The following GALNTL6 variants were observed in gnomAD, a reference collection of about 807,000 sequenced individuals.
GALNTL6 encodes polypeptide N-acetylgalactosaminyltransferase-like 6.
Under a neutral mutation model 73.7 loss-of-function variants are expected in GALNTL6, and 46 were observed. The ratio of observed to expected loss-of-function variants is 0.62; its 90% CI spans 0.49 to 0.80. The LOEUF (loss-of-function observed/expected upper bound fraction) is 0.80. Ranked by LOEUF, GALNTL6 falls within the 30% of genes least tolerant of loss-of-function variation. The pLI is 0.00. For synonymous variants in GALNTL6, 259 were observed against 263.7 expected (o/e 0.98, Z 0.17); for missense variants, 604 against 755.0 (o/e 0.80, Z 2.34).
chr4:172,377,282 GC>G (rs1423892462), intron 5 of GALNTL6, among the ~76,000 whole-genome samples: 1 of 152,118 alleles, frequency 6.6e-6, no homozygotes, highest in Non-Finnish European at 1.5e-5. Flanking sequence ...GCTGATTGAT[GC>G]ATTTACAATC....
At chr4:173,009,398 T>C in intron 11 of GALNTL6, 104 bp downstream of exon 11, 2 of 735,936 alleles carry the variant, frequency 2.7e-6, no homozygotes, top group African/African-American at 1.7e-5. Flanking sequence ...CAGATGGTAC[T>C]TGTGGGACCT....
At chr4:172,333,197 G>A (rs1741192331) in intron 4 of GALNTL6, among the ~76,000 whole-genome samples, 4 of 152,096 alleles carry the variant, frequency 2.6e-5, no homozygotes. Flanking sequence ...CCTGAGGTTG[G>A]GAGTTCGAGA....
At chr4:172,950,283 G>T (rs183039488) in intron 9 of GALNTL6, among the ~76,000 whole-genome samples, 2 of 152,208 alleles carry the variant, frequency 1.3e-5, no homozygotes. Flanking sequence ...TGACGGGATG[G>T]TAGGGTGCAC....
At chr4:172,820,925 T>A (rs1251263557) in intron 7 of GALNTL6, among the ~76,000 whole-genome samples, 1 of 152,220 alleles carries the variant, frequency 6.6e-6, no homozygotes, top group Non-Finnish European at 1.5e-5. Context: ...TCTATGTTCA[T>A]CAGTTTAGTC....
intron 5 of GALNTL6, among the ~76,000 whole-genome samples, chr4:172,754,843 CAAA>C (rs56376727): frequency 4.2e-4 from 54 of 128,874 alleles, no homozygotes; most frequent in Non-Finnish European, 5.2e-4. Flanking sequence ...TCACTTCCAC[CAAA>C]AAAAAAAAAA....
chr4:172,160,678 A>T (rs1451269247), intron 2 of GALNTL6, among the ~76,000 whole-genome samples: 3 of 152,072 alleles, frequency 2.0e-5, no homozygotes, highest in African/African-American at 7.2e-5. Context: ...GGTCCCGAAG[A>T]GGATTAGAAA....
chr4:172,013,053 C>T (rs1035737454), intron 2 of GALNTL6, among the ~76,000 whole-genome samples: 1 of 151,986 alleles, frequency 6.6e-6, no homozygotes, highest in South Asian at 2.1e-4. Flanking sequence ...TTTTAATTGA[C>T]ATAATAATTG....
intron 5 of GALNTL6, among the ~76,000 whole-genome samples, chr4:172,755,680 C>T (rs983463988): frequency 6.6e-6 from 1 of 152,144 alleles, no homozygotes; most frequent in African/African-American, 2.4e-5. Flanking sequence ...AAAACAGATA[C>T]AACATACAAA....
In GALNTL6 at chr4:172,508,012, T is replaced by C. The variant is rs1256022422; in HGVS notation, c.553+159323T>C. 2.0e-4 allele frequency among the ~76,000 whole-genome samples: 11 copies of C among 55,322 alleles called. 4 individuals carry two copies. Among genetic ancestry groups the C allele is most frequent in the African/African-American group, 5.0e-4 (11 of 22,150 alleles). The allele number at this position is 55,322 out of a possible 152,430, so 36.3% of individuals were successfully genotyped here. A position where few individuals can be genotyped will look rare whatever the true frequency, so the allele number is the denominator to read the frequency against. On this transcript the variant is annotated intron_variant, in intron 5 of 12. Transcript: ENST00000506823. ...GTGAACTGATGTGAGAGTTGTTTTG[T>C]AGGAACAGCGGTACATGGAAAACGT...
At chr4:172,463,916 A>T (rs1029907675) in intron 5 of GALNTL6, among the ~76,000 whole-genome samples, 2 of 152,244 alleles carry the variant, frequency 1.3e-5, no homozygotes, top group Non-Finnish European at 2.9e-5. Context: ...GTTTGCCCGT[A>T]TAGCTAACAC....
chr4:172,757,150 C>G (rs1579442393), intron 5 of GALNTL6, among the ~76,000 whole-genome samples: 1 of 152,136 alleles, frequency 6.6e-6, no homozygotes, highest in Non-Finnish European at 1.5e-5. Flanking sequence ...TATGCCAGGC[C>G]TTGGCAAACC....
chr4:172,479,803 TAA>T (rs34760955), intron 5 of GALNTL6, among the ~76,000 whole-genome samples: 21,964 of 152,184 alleles, frequency 0.14, 1,820 homozygotes, highest in Non-Finnish European at 0.2. Context: ...ATTAGAGAGT[TAA>T]GTTATGAAGT....
chr4:172,968,737 C>G (rs1020056429), intron 10 of GALNTL6, among the ~76,000 whole-genome samples: 1 of 151,684 alleles, frequency 6.6e-6, no homozygotes, highest in Non-Finnish European at 1.5e-5. Context: ...TTTTGTGAAC[C>G]AGGCAGAGCC....
At chr4:172,753,066 C>G (rs1241719269) in intron 5 of GALNTL6, among the ~76,000 whole-genome samples, 1 of 152,092 alleles carries the variant, frequency 6.6e-6, no homozygotes, top group Non-Finnish European at 1.5e-5. Flanking sequence ...CAAATCTCAC[C>G]TTGAATTGTA....
At chr4:172,021,513 T>G (rs1741400890) in intron 2 of GALNTL6, among the ~76,000 whole-genome samples, 1 of 152,012 alleles carries the variant, frequency 6.6e-6, no homozygotes, top group South Asian at 2.1e-4. Flanking sequence ...AATGTCCATA[T>G]TATCCAAAGC....
intron 7 of GALNTL6, among the ~76,000 whole-genome samples, chr4:172,837,912 A>C (rs1217839919): frequency 6.6e-6 from 1 of 152,050 alleles, no homozygotes; most frequent in African/African-American, 2.4e-5. Flanking sequence ...CATTACCAAC[A>C]CTCTTCTTGA....
At chr4:172,929,756 C>A (rs1748231289) in intron 8 of GALNTL6, among the ~76,000 whole-genome samples, 1 of 152,124 alleles carries the variant, frequency 6.6e-6, no homozygotes, top group South Asian at 2.1e-4. Flanking sequence ...ATGGTCCAGC[C>A]AAGTTGATTC....
chr4:171,891,009 A>T (rs924019397), intron 2 of GALNTL6, among the ~76,000 whole-genome samples: 3 of 148,270 alleles, frequency 2.0e-5, no homozygotes, highest in African/African-American at 7.7e-5. Flanking sequence ...CCTTCCAGCC[A>T]GCTACTCTTG....
At chr4:172,209,491 A>G (rs1381142395) in intron 2 of GALNTL6, among the ~76,000 whole-genome samples, 1 of 152,014 alleles carries the variant, frequency 6.6e-6, no homozygotes, top group Non-Finnish European at 1.5e-5. Context: ...CCATTTAAAA[A>G]ATAATACATA....
Sources: gnomAD v4.1 joint callset for allele counts (sites outside exome capture counted in the v4.1 genomes callset) on GRCh38, gnomAD v4.1.1 for gene constraint, MANE v1.5 for transcripts, NCBI Gene and HGNC (gene_info 2026-07-23, HGNC 2026-07-21) for gene names.